The following BRWD1 variants were observed in gnomAD, a reference collection of about 807,000 sequenced individuals.
BRWD1 encodes bromodomain and WD repeat domain containing 1, also known as bromodomain and WD repeat-containing protein 1.
Under a neutral mutation model 251.2 loss-of-function variants are expected in BRWD1, and 82 were observed. The observed-to-expected ratio is 0.33, with a 90% CI of 0.27 to 0.39. The LOEUF is 0.39. BRWD1 is among the 10% of genes least tolerant of loss of function. The pLI is 1.00. For missense variants in BRWD1, 2,233 were observed against 2,711.6 expected (o/e 0.82, Z 3.92); for synonymous variants, 918 against 902.8 (o/e 1.02, Z -0.30).
At chr21:39,281,958 A>G (rs2035477680) in intron 8 of BRWD1, among the ~76,000 whole-genome samples, 2 of 151,476 alleles carry the variant, frequency 1.3e-5, no homozygotes, top group African/African-American at 2.4e-5. Flanking sequence ...ATGTAGACAT[A>G]TATGTATACA....
At position 39,189,312 on chromosome 21, in the gene BRWD1, T is replaced by G. The variant is rs1168248000; in HGVS notation, c.*6947A>C. The G allele has an allele frequency of 1.0e-6, 1 of 985,136 alleles. No homozygotes were observed. The allele number at this position is 985,136 out of a possible 1,614,324, so 61.0% of individuals were successfully genotyped here. On this transcript the variant is annotated 3_prime_UTR_variant, in exon 41 of 41. Coordinates refer to ENST00000342449, the MANE Select transcript of BRWD1 (RefSeq NM_033656.4). ...TCATCCAGACAAATAGATAAAATTC[T>G]ATTTCAACTACAATTTGTAACAAAA...
At chr21:39,253,680 G>C (rs189685764) in intron 19 of BRWD1, among the ~76,000 whole-genome samples, 1 of 152,014 alleles carries the variant, frequency 6.6e-6, no homozygotes, top group Admixed American at 6.6e-5. Context: ...CAATATATAA[G>C]TACTATCTAA....
intron 3 of BRWD1, 80 bp from the exon 4 acceptor site, chr21:39,312,980 GC>G: frequency 2.6e-6 from 2 of 780,854 alleles, no homozygotes; most frequent in Non-Finnish European, 1.6e-6. Context: ...GGGGCGGGCG[GC>G]GGGCGGCGGG....
intron 21 of BRWD1, among the ~76,000 whole-genome samples, chr21:39,242,616 A>T (rs1208323391): frequency 6.6e-6 from 1 of 152,190 alleles, no homozygotes; most frequent in Non-Finnish European, 1.5e-5. Flanking sequence ...TTGGAAGAGG[A>T]TGACATCTAA....
intron 17 of BRWD1, among the ~76,000 whole-genome samples, chr21:39,262,984 C>T (rs1169174979): frequency 6.6e-6 from 1 of 151,946 alleles, no homozygotes. Flanking sequence ...GGTGTGTTAG[C>T]ACACGCCTAC....
Position 39,195,775 on chromosome 21 carries a change from T to C in BRWD1, c.*484A>G, listed in dbSNP as rs1213135426. ...AAAAAGTGGTAGGTACCTCGCCTAC[T>C]AATCATGGTTACACCTCCCATGATT... is the stretch of plus-strand genomic sequence containing the variant. On this transcript the variant is annotated 3_prime_UTR_variant, in exon 41 of 41. Coordinates refer to ENST00000342449, the MANE Select transcript of BRWD1 (RefSeq NM_033656.4). 4 of 985,368 alleles carry C rather than the reference T, an allele frequency of 4.1e-6. No homozygotes were observed. Among genetic ancestry groups the C allele is most frequent in the South Asian group, 9.4e-5 (2 of 21,282 alleles). The allele number at this position is 985,368 out of a possible 1,614,324, so 61.0% of individuals were successfully genotyped here. A position where few individuals can be genotyped will look rare whatever the true frequency, so the allele number is the denominator to read the frequency against.
At chr21:39,250,938 C>T in intron 19 of BRWD1, 49 bp from the exon 20 acceptor site, 2 of 1,109,916 alleles carry the variant, frequency 1.8e-6, no homozygotes, top group Non-Finnish European at 1.3e-6. Flanking sequence ...TGATGGATAA[C>T]TAAAGGATAT....
chr21:39,223,599 A>G (rs941166778), intron 29 of BRWD1, among the ~76,000 whole-genome samples: 2 of 152,196 alleles, frequency 1.3e-5, no homozygotes, highest in African/African-American at 4.8e-5. Flanking sequence ...GAGGAAATTA[A>G]AATTGTTGGA....
chr21:39,289,860 T>TA (rs1466650934), intron 8 of BRWD1, among the ~76,000 whole-genome samples: 1 of 151,070 alleles, frequency 6.6e-6, no homozygotes, highest in South Asian at 2.1e-4. Context: ...TCGTCTCTAC[T>TA]AAAAAATACA....
intron 37 of BRWD1, among the ~76,000 whole-genome samples, chr21:39,203,434 G>GTTTTTTTTTTTT (rs2032210759): frequency 1.1e-4 from 7 of 64,286 alleles, no homozygotes; most frequent in Non-Finnish European, 2.2e-4. Flanking sequence ...GCAAGACCCT[G>GTTTTTTTTTTTT]GTTCTTTTTT....
rs1453931002 is a variant in BRWD1 at position 39,191,883 on chromosome 21, G to C, written c.*4376C>G. 1 of 983,438 alleles carries C rather than the reference G, an allele frequency of 1.0e-6. No homozygotes were observed. The highest frequency in any genetic ancestry group is 1.2e-6 in the Non-Finnish European group (1 of 828,354). 60.9% of individuals were successfully genotyped at this position (983,438 alleles called of 1,614,324 possible). A position where few individuals can be genotyped will look rare whatever the true frequency, so the allele number is the denominator to read the frequency against. Reference sequence around the variant, plus strand: ...CTTAAAACTGACATAACTAAAATATGACCAGAAAGTATACCATAGCATTGA... The same window carrying C: ...CTTAAAACTGACATAACTAAAATATCACCAGAAAGTATACCATAGCATTGA... On this transcript the variant is annotated 3_prime_UTR_variant, in exon 41 of 41. Coordinates refer to ENST00000342449, the MANE Select transcript of BRWD1 (RefSeq NM_033656.4).
At chr21:39,305,934 T>C (rs773724007) in intron 4 of BRWD1, among the ~76,000 whole-genome samples, 3 of 151,352 alleles carry the variant, frequency 2.0e-5, no homozygotes, top group Non-Finnish European at 2.9e-5. Flanking sequence ...CTTGGGACAC[T>C]GAATCGGGAG....
At chr21:39,252,488 T>C (rs1318843082) in intron 19 of BRWD1, among the ~76,000 whole-genome samples, 6 of 152,172 alleles carry the variant, frequency 3.9e-5, no homozygotes, top group African/African-American at 1.4e-4. Flanking sequence ...TCTTCATCCT[T>C]ATCAAATGAT....
chr21:39,289,435 T>A (rs2146732929), intron 8 of BRWD1, among the ~76,000 whole-genome samples: 1 of 152,354 alleles, frequency 6.6e-6, no homozygotes, highest in South Asian at 2.1e-4. Context: ...ATACAGCCAA[T>A]GTTTATTTCC....
At chr21:39,279,880 T>C (rs1416049621) in intron 9 of BRWD1, among the ~76,000 whole-genome samples, 2 of 152,154 alleles carry the variant, frequency 1.3e-5, no homozygotes, top group African/African-American at 4.8e-5. Context: ...TCCAATTATA[T>C]ACCTATTATT....
At chr21:39,247,926 A>G in intron 20 of BRWD1, 94 bp from the exon 21 acceptor site, 1 of 1,343,026 alleles carries the variant, frequency 7.4e-7, no homozygotes, top group South Asian at 1.8e-5. Context: ...AGAAGGATTT[A>G]AAGCAAAAAG....
chr21:39,292,989 G>C (rs905891800), intron 8 of BRWD1, among the ~76,000 whole-genome samples: 1 of 152,002 alleles, frequency 6.6e-6, no homozygotes, highest in African/African-American at 2.4e-5. Context: ...AAAGTGGGGA[G>C]GGGAATCCTT....
chr21:39,314,175 G>A (rs1164763831), upstream of BRWD1: 1 of 455,976 alleles, frequency 2.2e-6, no homozygotes, highest in Non-Finnish European at 4.4e-6. Context: ...AGTGAGGATT[G>A]GCTCGCCGCG....
At position 39,188,143 on chromosome 21, in the gene BRWD1, CACAA is replaced by C; in HGVS notation, c.*8112_*8115del. ...GTCTCAAAGCCAAATTTTCAAATTT[CACAA>C]ACAAGTCTAATTAGTACTCTTCTAG... On this transcript the variant is annotated 3_prime_UTR_variant, in exon 41 of 41. Transcript: ENST00000342449. The C allele has an allele frequency of 2.0e-6, 2 of 985,388 alleles. No individual in the cohort carries two copies. The highest frequency in any genetic ancestry group is 2.4e-6 in the Non-Finnish European group (2 of 829,920). 61.0% of individuals were successfully genotyped at this position (985,388 alleles called of 1,614,324 possible).
Sources: gnomAD v4.1 joint callset for allele counts (sites outside exome capture counted in the v4.1 genomes callset) on GRCh38, gnomAD v4.1.1 for gene constraint, MANE v1.5 for transcripts, NCBI Gene and HGNC (gene_info 2026-07-23, HGNC 2026-07-21) for gene names.